Variants in ATXN3 observed in about 807,000 individuals in gnomAD.
ATXN3 encodes ataxin 3.
Under a neutral mutation model 58.2 loss-of-function variants are expected in ATXN3, and 28 were observed. The ratio of observed to expected loss-of-function variants is 0.48; its 90% CI spans 0.36 to 0.66. The LOEUF (loss-of-function observed/expected upper bound fraction) is 0.66, where lower values mean the gene tolerates loss of function less well. Among genes scored for constraint, ATXN3 ranks in the 30% least tolerant of loss-of-function variants. The probability of loss-of-function intolerance (pLI) is 0.00; values close to 1 mark genes in which losing one functional copy is unlikely to be tolerated. For missense variants in ATXN3, 321 were observed against 422.1 expected (o/e 0.76, Z 2.10); for synonymous variants, 113 against 138.5 (o/e 0.82, Z 1.29).
chr14:92,096,183 AG>A, intron 2 of ATXN3, 46 bp from the exon 3 acceptor site: 1 of 1,611,850 alleles, frequency 6.2e-7, no homozygotes. Context: ...GGGTGGGGAA[AG>A]AAGGATACAA....
chr14:92,071,731 C>G, intron 9 of ATXN3: 1 of 166,144 alleles, frequency 6.0e-6, no homozygotes, highest in South Asian at 1.5e-4. Context: ...TCAGATAAAG[C>G]ATTTCAAACT....
intron 9 of ATXN3, chr14:92,080,764 G>A (rs1363201349): frequency 5.4e-6 from 3 of 558,694 alleles, no homozygotes; most frequent in South Asian, 4.6e-5. Context: ...TCGAACTCCT[G>A]ACCTCAGGCA....
chr14:92,103,013 C>A (rs1329770391), intron 1 of ATXN3, among the ~76,000 whole-genome samples: 5 of 151,870 alleles, frequency 3.3e-5, no homozygotes, highest in Non-Finnish European at 5.9e-5. Context: ...TTATGTACAA[C>A]CCCAGCAAGT....
At chr14:92,055,183 A>AT (rs1395573746), downstream of ATXN3, among the ~76,000 whole-genome samples, 1 of 151,756 alleles carries the variant, frequency 6.6e-6, no homozygotes, top group Non-Finnish European at 1.5e-5. The surrounding 1 kb of genome is among the most constrained non-coding windows in gnomAD (Gnocchi z 4.5). Context: ...GCCGGGGAGG[A>AT]TTTTTTGTTT....
downstream of ATXN3, among the ~76,000 whole-genome samples, chr14:92,055,667 G>C (rs1309653961): frequency 2.0e-5 from 3 of 152,136 alleles, no homozygotes; most frequent in Non-Finnish European, 2.9e-5. This position sits in a 1 kb window ranked among gnomAD's most constrained non-coding sequence, Gnocchi z 4.5. Context: ...GTGGCTCAAA[G>C]CAGTTAAATC....
rs73325756 is a variant in ATXN3, at chr14:92,096,854, G to T, written c.25-16C>A. ...AGCCTTCTTGCTAATATTTCCAAAAGAAAAAATTAAAATGTGACTTGTTAA... is the reference window on the plus strand; with the variant it reads ...AGCCTTCTTGCTAATATTTCCAAAATAAAAAATTAAAATGTGACTTGTTAA... On this transcript the variant is annotated splice_polypyrimidine_tract_variant and intron_variant, in intron 1 of 10. Transcript: ENST00000644486. The T allele has an allele frequency of 1.9e-6, 3 of 1,601,490 alleles. No homozygotes were observed. In the South Asian group the frequency reaches 3.3e-5, roughly 18 times the overall value.
intron 5 of ATXN3, among the ~76,000 whole-genome samples, chr14:92,089,807 T>G (rs1263479516): frequency 6.6e-6 from 1 of 152,190 alleles, no homozygotes; most frequent in African/African-American, 2.4e-5. Flanking sequence ...TCTATCACAC[T>G]GATGGGAGGA....
intron 6 of ATXN3, among the ~76,000 whole-genome samples, chr14:92,088,225 C>T (rs766429455): frequency 2.2e-4 from 34 of 152,088 alleles, no homozygotes; most frequent in Non-Finnish European, 4.4e-4. Context: ...TCCGCCACCA[C>T]ACCCCGGCTA....
intron 1 of ATXN3, among the ~76,000 whole-genome samples, chr14:92,101,538 C>A (rs562187688): frequency 6.6e-6 from 1 of 152,242 alleles, no homozygotes; most frequent in Non-Finnish European, 1.5e-5. Flanking sequence ...TTCACTTTGC[C>A]ATAATCAAAG....
rs1442658920 is a variant in ATXN3 at position 92,082,285 on chromosome 14, T to A, written c.775+15A>T. The A allele has an allele frequency of 6.2e-7, 1 of 1,607,994 alleles. No individual in the cohort carries two copies. The highest frequency in any genetic ancestry group is 8.5e-7 in the Non-Finnish European group (1 of 1,176,216). ...TCTTCAGCAATGAATACAACACACA[T>A]CAGAATGTCTTTACCTTGCATACTT... is the stretch of plus-strand genomic sequence containing the variant. On this transcript the variant is annotated intron_variant, in intron 8 of 10. Coordinates refer to ENST00000644486, the MANE Select transcript of ATXN3 (RefSeq NM_004993.6).
chr14:92,065,876 GC>G (rs2140250574), intron 10 of ATXN3, among the ~76,000 whole-genome samples: 1 of 140,582 alleles, frequency 7.1e-6, no homozygotes, highest in Non-Finnish European at 1.6e-5. Flanking sequence ...GCAAGACTCT[GC>G]CTAAAAAAGA....
Position 92,070,962 on chromosome 14 carries a change from T to TAGATCACTCCCAA in ATXN3, c.963_964insTTGGGAGTGATCT (p.Ser322LeufsTer5). ...AGATCACTCCCAAGTGCTCCTGAAC[T>TAGATCACTCCCAA]GGTGGCTGGCCTTTCACATGGATGT... On this transcript the variant is annotated frameshift_variant, in exon 10 of 11. Coordinates refer to ENST00000644486, the MANE Select transcript of ATXN3 (RefSeq NM_004993.6). LOFTEE classifies it high-confidence loss of function. The TAGATCACTCCCAA allele has an allele frequency of 1.4e-6, 2 of 1,404,414 alleles. No homozygotes were observed. The highest frequency in any genetic ancestry group is 1.9e-6 in the Non-Finnish European group (2 of 1,076,390). The allele number at this position is 1,404,414 out of a possible 1,614,324, so 87.0% of individuals were successfully genotyped here. A position where few individuals can be genotyped will look rare whatever the true frequency, so the allele number is the denominator to read the frequency against.
At chr14:92,051,638 AT>A (rs1224103885), upstream of ATXN3, among the ~76,000 whole-genome samples, 841 of 68,742 alleles carry the variant, frequency 0.012, 2 homozygotes, top group African/African-American at 0.034. Context: ...ATTTATTTTA[AT>A]TTTTTTTTTT....
At chr14:92,090,440 A>T (rs867331144) in intron 5 of ATXN3, 9 of 152,216 alleles carry the variant, frequency 5.9e-5, no homozygotes, top group African/African-American at 1.4e-4. Context: ...ACCACATAGT[A>T]ATCCTAATTT....
At chr14:92,102,809 AAGGCAGAGCTGAGACTCAAACCC>A (rs1479017277) in intron 1 of ATXN3, among the ~76,000 whole-genome samples, 2 of 152,182 alleles carry the variant, frequency 1.3e-5, no homozygotes, top group Non-Finnish European at 2.9e-5. Flanking sequence ...CAGGTAGTAA[AAGGCAGAGCTGAGACTCAAACCC>A]AGGCAGAGGT....
At position 92,093,017 on chromosome 14, in the gene ATXN3, C is replaced by T. The variant is rs554590855; in HGVS notation, c.387+235G>A. ...AAGCTGGAATTACAGATGTGAGCCACCATGCCTGGCTCTTTGTTTTTTTTT... is the reference window on the plus strand; with the variant it reads ...AAGCTGGAATTACAGATGTGAGCCATCATGCCTGGCTCTTTGTTTTTTTTT... On this transcript the variant is annotated intron_variant, in intron 5 of 10. Coordinates refer to ENST00000644486, the MANE Select transcript of ATXN3 (RefSeq NM_004993.6). Among the ~76,000 whole-genome samples the T allele has an allele frequency of 4.6e-5, 7 of 150,914 alleles. No homozygotes were observed. The South Asian group carries it at 1.5e-3, about 32-fold the overall frequency.
intron 8 of ATXN3, 83 bp from the exon 9 acceptor site, chr14:92,081,144 A>G (rs1158579843): frequency 6.2e-6 from 6 of 965,688 alleles, no homozygotes; most frequent in Non-Finnish European, 9.7e-6. Context: ...TACTCATTTG[A>G]GTAAGCCTTT....
Position 92,096,835 on chromosome 14 carries a change from C to T in ATXN3, c.28G>A (p.Glu10Lys). ...CAATGTTGAGCACAAAGTGAGCCTT[C>T]TTGCTAATATTTCCAAAAGAAAAAA... is the stretch of plus-strand genomic sequence containing the variant. The part of the protein sequence containing the change: MESIFHEKQ[E>K]GSLCAQHCLN... Residue 10 changes from glutamate to lysine, a missense_variant, in exon 2 of 11, where the codon GAA becomes AAA. Transcript: ENST00000644486. The T allele has an allele frequency of 6.2e-7, 1 of 1,613,074 alleles. No individual in the cohort carries two copies. The highest frequency in any genetic ancestry group is 2.2e-5 in the East Asian group (1 of 44,852).
intron 5 of ATXN3, among the ~76,000 whole-genome samples, chr14:92,091,121 A>G (rs1340772357): frequency 6.6e-6 from 1 of 151,636 alleles, no homozygotes; most frequent in African/African-American, 2.4e-5. Flanking sequence ...CATCTCCTTA[A>G]CTTGCTCTTG....
Sources: allele counts gnomAD v4.1 joint callset (sites outside exome capture counted in the v4.1 genomes callset), GRCh38; gene constraint gnomAD v4.1.1; non-coding constraint Gnocchi (gnomAD v3.1); transcripts MANE v1.5; gene names NCBI Gene and HGNC (gene_info 2026-07-23, HGNC 2026-07-21).